HDAC9: variants seen among roughly 807,000 people sequenced by gnomAD.
HDAC9 encodes MEF-2 interacting transcription repressor (MITR) protein.
In HDAC9, 41 loss-of-function variants were observed where a neutral mutation model predicts 139.4. The observed-to-expected ratio is 0.29, with a 90% CI of 0.23 to 0.38. The LOEUF is 0.38. Ranked by LOEUF, HDAC9 falls within the 10% of genes least tolerant of loss-of-function variation. HDAC9 has a pLI of 1.00. For synonymous variants in HDAC9, 517 were observed against 476.2 expected (o/e 1.09, Z -1.12); for missense variants, 1,147 against 1,297.0 (o/e 0.88, Z 1.78).
chr7:18,574,349 C>T (rs1446763517), intron 2 of HDAC9, among the ~76,000 whole-genome samples: 1 of 152,230 alleles, frequency 6.6e-6, no homozygotes, highest in Non-Finnish European at 1.5e-5. Flanking sequence ...CAGGTCGTCC[C>T]ATCCTCTGCC....
chr7:18,101,140 A>G (rs879310248), intron 1 of HDAC9, among the ~76,000 whole-genome samples: 3 of 152,108 alleles, frequency 2.0e-5, no homozygotes, highest in Non-Finnish European at 2.9e-5. Flanking sequence ...GGGGGAGCTC[A>G]TTTGTAGACC....
rs968917496 is a variant in HDAC9 at position 18,996,295 on chromosome 7, G to A, written c.*233G>A. ...TGATTCTAGAGTTACAGTAAACCAC[G>A]ATTGGAAGAAACTGCTTCCAGCATG... On this transcript the variant is annotated 3_prime_UTR_variant, in exon 26 of 26. Coordinates refer to ENST00000686413, the MANE Select transcript of HDAC9 (RefSeq NM_178425.4). 4.1e-5 allele frequency: 18 copies of A among 442,180 alleles called. No individual in the cohort carries two copies. Among genetic ancestry groups the A allele is most frequent in the Admixed American group, 1.2e-4 (3 of 25,462 alleles). 27.4% of individuals were successfully genotyped at this position (442,180 alleles called of 1,614,324 possible). A position where few individuals can be genotyped will look rare whatever the true frequency, so the allele number is the denominator to read the frequency against.
chr7:18,600,058 G>A (rs553563609), intron 6 of HDAC9, among the ~76,000 whole-genome samples: 1 of 151,862 alleles, frequency 6.6e-6, no homozygotes, highest in Non-Finnish European at 1.5e-5. Context: ...CTAATGACAA[G>A]TGGTGCCAAG....
At chr7:18,762,085 T>A in intron 14 of HDAC9, 72 bp from the exon 15 acceptor site, 1 of 1,530,880 alleles carries the variant, frequency 6.5e-7, no homozygotes. Flanking sequence ...TCATCTTAAA[T>A]GTGACTTGGG....
chr7:18,883,505 C>T (rs1799887738), intron 22 of HDAC9, among the ~76,000 whole-genome samples: 1 of 152,094 alleles, frequency 6.6e-6, no homozygotes. Flanking sequence ...ATAATAAAAA[C>T]TCCCAACAAA....
intron 12 of HDAC9, among the ~76,000 whole-genome samples, chr7:18,715,143 CCA>C (rs199975008): frequency 0.013 from 1,962 of 151,978 alleles, 50 homozygotes; most frequent in African/African-American, 0.044. Context: ...CAATTCTGAC[CCA>C]CAGTGACAAG....
At chr7:18,989,946 T>C (rs1311531574) in intron 25 of HDAC9, among the ~76,000 whole-genome samples, 1 of 151,780 alleles carries the variant, frequency 6.6e-6, no homozygotes, top group African/African-American at 2.4e-5. Flanking sequence ...ATTCTAGTTA[T>C]ACATTCTTCT....
At chr7:18,321,381 A>T (rs946984716) in intron 1 of HDAC9, among the ~76,000 whole-genome samples, 1 of 152,160 alleles carries the variant, frequency 6.6e-6, no homozygotes, top group East Asian at 1.9e-4. Flanking sequence ...ACCATATTCC[A>T]TGTACCACAC....
chr7:18,813,037 C>T (rs1794301978), intron 17 of HDAC9, among the ~76,000 whole-genome samples: 1 of 152,076 alleles, frequency 6.6e-6, no homozygotes, highest in Admixed American at 6.6e-5. Flanking sequence ...TGTCACTTCA[C>T]CATTATATTC....
chr7:18,818,583 AGCAGGAC>A (rs1794739244), intron 17 of HDAC9, among the ~76,000 whole-genome samples: 1 of 152,200 alleles, frequency 6.6e-6, no homozygotes, highest in East Asian at 1.9e-4. Context: ...GTAAGTAGCT[AGCAGGAC>A]TACTGGGTAT....
At chr7:18,227,943 T>C (rs1793181715) in intron 2 of HDAC9, among the ~76,000 whole-genome samples, 2 of 152,222 alleles carry the variant, frequency 1.3e-5, no homozygotes, top group South Asian at 4.1e-4. Flanking sequence ...CCCTGTGTTA[T>C]AATAACTATG....
intron 2 of HDAC9, among the ~76,000 whole-genome samples, chr7:18,273,673 A>G (rs1796532069): frequency 6.6e-6 from 1 of 152,220 alleles, no homozygotes; most frequent in Non-Finnish European, 1.5e-5. Flanking sequence ...TTTAAAAAGC[A>G]CTAATCTCAA....
intron 21 of HDAC9, among the ~76,000 whole-genome samples, chr7:18,861,641 A>G (rs924531109): frequency 6.6e-6 from 1 of 152,212 alleles, no homozygotes; most frequent in Non-Finnish European, 1.5e-5. Flanking sequence ...ATTGGGCAAT[A>G]TCTCAGAATT....
intron 11 of HDAC9, among the ~76,000 whole-genome samples, chr7:18,664,100 G>T (rs801523): frequency 0.24 from 36,435 of 152,010 alleles, 8,253 homozygotes; most frequent in African/African-American, 0.6. Context: ...ACTATAATAT[G>T]GTCTCTTTTC....
intron 1 of HDAC9, among the ~76,000 whole-genome samples, chr7:18,098,163 C>T (rs1255622194): frequency 2.0e-5 from 3 of 152,240 alleles, no homozygotes; most frequent in Non-Finnish European, 4.4e-5. Flanking sequence ...TTGCCAAATC[C>T]GTGAAATCGA....
chr7:18,290,276 T>C (rs1442327531), upstream of HDAC9: 4 of 340,416 alleles, frequency 1.2e-5, no homozygotes, highest in Non-Finnish European at 1.7e-5. Context: ...CCCCAAGTTA[T>C]GCAGTCTTTA....
chr7:18,287,660 G>A (rs1253242492), upstream of HDAC9, among the ~76,000 whole-genome samples: 1 of 152,228 alleles, frequency 6.6e-6, no homozygotes, highest in African/African-American at 2.4e-5. Flanking sequence ...CATGCACTCT[G>A]CATTCAGCGC....
At chr7:18,579,869 T>G (rs1827236456) in intron 2 of HDAC9, among the ~76,000 whole-genome samples, 1 of 152,144 alleles carries the variant, frequency 6.6e-6, no homozygotes, top group Non-Finnish European at 1.5e-5. Flanking sequence ...GCCATATGGT[T>G]GTATATGCAC....
At chr7:18,398,304 A>G (rs541946091) in intron 1 of HDAC9, among the ~76,000 whole-genome samples, 4 of 152,170 alleles carry the variant, frequency 2.6e-5, no homozygotes, top group African/African-American at 4.8e-5. Flanking sequence ...AATTGATTCC[A>G]TATTTTTCTC....
Sources: gnomAD v4.1 joint callset for allele counts (sites outside exome capture counted in the v4.1 genomes callset) on GRCh38, gnomAD v4.1.1 for gene constraint, MANE v1.5 for transcripts, NCBI Gene and HGNC (gene_info 2026-07-23, HGNC 2026-07-21) for gene names.